BICC1: variants seen among roughly 807,000 people sequenced by gnomAD.
BICC1 encodes the protein protein bicaudal C homolog 1.
Under a neutral mutation model 111.0 loss-of-function variants are expected in BICC1, and 43 were observed. That is an observed-to-expected ratio of 0.39 (90% CI 0.30 to 0.50). BICC1 has a LOEUF of 0.50. Among genes scored for constraint, BICC1 ranks in the 20% least tolerant of loss-of-function variants. The pLI, the probability that BICC1 is intolerant of heterozygous loss-of-function variation, is 0.88. For missense variants in BICC1, 1,091 were observed against 1,203.2 expected (o/e 0.91, Z 1.38); for synonymous variants, 467 against 434.4 (o/e 1.07, Z -0.93).
At chr10:58,557,988 A>T (rs1416987220) in intron 1 of BICC1, among the ~76,000 whole-genome samples, 8 of 151,944 alleles carry the variant, frequency 5.3e-5, no homozygotes, top group African/African-American at 1.9e-4. Flanking sequence ...AAAGAGTTTG[A>T]CCCTTTTATG....
intron 3 of BICC1, among the ~76,000 whole-genome samples, chr10:58,775,965 T>TATA (rs1842739335): frequency 6.6e-6 from 1 of 152,204 alleles, no homozygotes; most frequent in Non-Finnish European, 1.5e-5. Flanking sequence ...AAAAGTTATA[T>TATA]GTAACAAGTG....
chr10:58,698,925 A>T (rs902554667), intron 2 of BICC1, among the ~76,000 whole-genome samples: 12 of 152,220 alleles, frequency 7.9e-5, no homozygotes, highest in Non-Finnish European at 5.9e-5. Context: ...TAATGGCTAG[A>T]TTACACACAA....
intron 2 of BICC1, among the ~76,000 whole-genome samples, chr10:58,666,278 G>C (rs1239659740): frequency 2.0e-5 from 3 of 152,206 alleles, no homozygotes; most frequent in African/African-American, 4.8e-5. Context: ...ACATTCAGCA[G>C]ACTGTGAGTG....
At chr10:58,828,714 A>T (rs751060299) in intron 20 of BICC1, 47 bp from the exon 21 acceptor site, 2 of 1,596,928 alleles carry the variant, frequency 1.3e-6, no homozygotes, top group East Asian at 4.5e-5. Context: ...TGTAGTATAC[A>T]TAGAACTTCT....
At chr10:58,529,532 GTT>G (rs1278801062) in intron 1 of BICC1, among the ~76,000 whole-genome samples, 1 of 151,832 alleles carries the variant, frequency 6.6e-6, no homozygotes, top group Non-Finnish European at 1.5e-5. Flanking sequence ...CAAAGGCAAT[GTT>G]TTGGTAAGAT....
intron 14 of BICC1, 43 bp downstream of exon 14, chr10:58,801,089 G>A: frequency 3.3e-6 from 5 of 1,504,616 alleles, no homozygotes; most frequent in Non-Finnish European, 4.5e-6. Context: ...ATTTTGAAAT[G>A]ATATATATTT....
chr10:58,745,592 G>GCCCCCCCCCCCCCC (rs776135905), intron 3 of BICC1, among the ~76,000 whole-genome samples: 1 of 54,066 alleles, frequency 1.8e-5, no homozygotes, highest in Non-Finnish European at 4.1e-5. Context: ...AGCTCTAAGA[G>GCCCCCCCCCCCCCC]CCCCCCACCG....
chr10:58,666,904 A>T (rs920924155), intron 2 of BICC1, among the ~76,000 whole-genome samples: 8 of 152,148 alleles, frequency 5.3e-5, no homozygotes, highest in Non-Finnish European at 1.0e-4. Flanking sequence ...ACTTTAAATA[A>T]GATACTAAAA....
At chr10:58,535,103 A>G (rs1842792049) in intron 1 of BICC1, among the ~76,000 whole-genome samples, 1 of 151,704 alleles carries the variant, frequency 6.6e-6, no homozygotes, top group Non-Finnish European at 1.5e-5. Context: ...TGCAAAACAG[A>G]CAAAGAATTA....
chr10:58,757,378 T>C (rs1842176754), intron 3 of BICC1, among the ~76,000 whole-genome samples: 1 of 152,204 alleles, frequency 6.6e-6, no homozygotes, highest in Non-Finnish European at 1.5e-5. Flanking sequence ...TACCAATTTA[T>C]CTACCCAACT....
intron 2 of BICC1, among the ~76,000 whole-genome samples, chr10:58,623,714 CT>C (rs1401128267): frequency 6.6e-6 from 1 of 152,136 alleles, no homozygotes; most frequent in Non-Finnish European, 1.5e-5. Flanking sequence ...GTTGTTGAAG[CT>C]TGGTCACAAC....
intron 2 of BICC1, among the ~76,000 whole-genome samples, chr10:58,694,394 A>C (rs1438253601): frequency 1.3e-5 from 2 of 152,196 alleles, no homozygotes; most frequent in Non-Finnish European, 2.9e-5. Flanking sequence ...GATCCAGATG[A>C]GACCTGTTAT....
At chr10:58,742,431 A>ATT (rs554670544) in intron 3 of BICC1, among the ~76,000 whole-genome samples, 1,239 of 93,908 alleles carry the variant, frequency 0.013, 5 homozygotes, top group Non-Finnish European at 0.015. Context: ...GTATGCTTTA[A>ATT]TTTTTTTTTT....
At chr10:58,536,741 A>G (rs1283543044) in intron 1 of BICC1, among the ~76,000 whole-genome samples, 2 of 151,668 alleles carry the variant, frequency 1.3e-5, no homozygotes, top group Non-Finnish European at 3.0e-5. Flanking sequence ...AAAAGACAGT[A>G]CAAAAATCAA....
At chr10:58,765,694 A>G (rs1373441214) in intron 3 of BICC1, among the ~76,000 whole-genome samples, 1 of 152,148 alleles carries the variant, frequency 6.6e-6, no homozygotes, top group East Asian at 1.9e-4. Context: ...ACATTTTACC[A>G]ACTAAAATTT....
intron 2 of BICC1, among the ~76,000 whole-genome samples, chr10:58,628,938 C>A (rs146717057): frequency 1.3e-5 from 2 of 152,328 alleles, no homozygotes; most frequent in Middle Eastern, 3.4e-3. Context: ...GCCTGTCACT[C>A]TAAGCTCTTG....
intron 20 of BICC1, among the ~76,000 whole-genome samples, chr10:58,827,940 T>A (rs913261245): frequency 6.6e-6 from 1 of 152,202 alleles, no homozygotes; most frequent in African/African-American, 2.4e-5. Context: ...GGATGAAGAC[T>A]TTCTGATGAT....
At chr10:58,784,793 T>A (rs2132785051) in intron 3 of BICC1, among the ~76,000 whole-genome samples, 1 of 152,274 alleles carries the variant, frequency 6.6e-6, no homozygotes, top group South Asian at 2.1e-4. Flanking sequence ...AGGAAGAAAG[T>A]CACAGATAAA....
At chr10:58,744,611 A>G (rs912331086) in intron 3 of BICC1, among the ~76,000 whole-genome samples, 4 of 152,070 alleles carry the variant, frequency 2.6e-5, no homozygotes, top group African/African-American at 7.2e-5. Flanking sequence ...TTAATATTTT[A>G]TTTTATTAGC....
Sources: allele counts gnomAD v4.1 joint callset (sites outside exome capture counted in the v4.1 genomes callset), GRCh38; gene constraint gnomAD v4.1.1; transcripts MANE v1.5; gene names NCBI Gene and HGNC (gene_info 2026-07-23, HGNC 2026-07-21).